Variants in SH3TC2 observed in about 807,000 individuals in gnomAD.
SH3TC2 encodes SH3 domain and tetratricopeptide repeat-containing protein 2.
A neutral mutation model predicts 124.5 loss-of-function variants in SH3TC2; 87 were observed. The observed-to-expected ratio is 0.70, with a 90% CI of 0.59 to 0.84. The LOEUF (loss-of-function observed/expected upper bound fraction) is 0.84. SH3TC2 is among the 40% of genes least tolerant of loss of function. The pLI is 0.00. For synonymous variants in SH3TC2, 634 were observed against 628.5 expected (o/e 1.01, Z -0.13); for missense variants, 1,536 against 1,566.4 (o/e 0.98, Z 0.33).
intron 3 of SH3TC2, chr5:149,046,059 T>C: frequency 3.1e-6 from 1 of 321,274 alleles, no homozygotes; most frequent in South Asian, 2.4e-5. Flanking sequence ...CAAGTGACGG[T>C]CAGAACATCC....
In SH3TC2 at chr5:148,994,608, T is replaced by A. The variant is rs754724940; in HGVS notation, c.*10103A>T. ...GGTGGTTGGGTGGTTAGATGGTTGGTTGGTTGGTTGGTTGGTTGGTTGGTT... is the reference window on the plus strand; with the variant it reads ...GGTGGTTGGGTGGTTAGATGGTTGGATGGTTGGTTGGTTGGTTGGTTGGTT... On this transcript the variant is annotated 3_prime_UTR_variant, in exon 17 of 17. Coordinates refer to ENST00000515425, the MANE Select transcript of SH3TC2 (RefSeq NM_024577.4). 1.5e-3 allele frequency among the ~76,000 whole-genome samples: 78 copies of A among 52,488 alleles called. No individual in the cohort carries two copies. The highest frequency in any genetic ancestry group is 2.2e-3 in the Non-Finnish European group (63 of 29,272). 34.4% of individuals were successfully genotyped at this position (52,488 alleles called of 152,430 possible). A position where few individuals can be genotyped will look rare whatever the true frequency, so the allele number is the denominator to read the frequency against.
Position 148,983,064 on chromosome 5 carries a change from G to C in SH3TC2, c.*21647C>G, listed in dbSNP as rs1169952882. 6.6e-6 allele frequency among the ~76,000 whole-genome samples: 1 copy of C among 152,136 alleles called. No homozygotes were observed. Among genetic ancestry groups the C allele is most frequent in the Admixed American group, 6.5e-5 (1 of 15,270 alleles). ...CAGTGTCCCATCTATGGGATAAAGAGGGAGAACTAGCAGGTGTTTTAAATA... is the reference window on the plus strand; with the variant it reads ...CAGTGTCCCATCTATGGGATAAAGACGGAGAACTAGCAGGTGTTTTAAATA... On this transcript the variant is annotated 3_prime_UTR_variant, in exon 17 of 17. Coordinates refer to ENST00000515425, the MANE Select transcript of SH3TC2 (RefSeq NM_024577.4).
chr5:149,063,029 A>G lies in SH3TC2; in HGVS notation c.-7T>C. Reference sequence around the variant, plus strand: ...TGCAGAAGCAGCCACCCATGTGTGTACCATCCTACCCTGGCCGAGGCCCTT... The same window carrying G: ...TGCAGAAGCAGCCACCCATGTGTGTGCCATCCTACCCTGGCCGAGGCCCTT... On this transcript the variant is annotated 5_prime_UTR_variant, in exon 1 of 17. Coordinates refer to ENST00000515425, the MANE Select transcript of SH3TC2 (RefSeq NM_024577.4). The G allele has an allele frequency of 6.3e-7, 1 of 1,598,414 alleles. No homozygotes were observed. Among genetic ancestry groups the G allele is most frequent in the Non-Finnish European group, 8.5e-7 (1 of 1,172,020 alleles).
At chr5:149,051,617 A>G (rs769163131) in intron 2 of SH3TC2, among the ~76,000 whole-genome samples, 7 of 151,962 alleles carry the variant, frequency 4.6e-5, no homozygotes, top group Non-Finnish European at 7.4e-5. Flanking sequence ...GTGTCTGACT[A>G]ATTTTTTGAT....
Position 149,000,156 on chromosome 5 carries a change from T to C in SH3TC2, c.*4555A>G, listed in dbSNP as rs117287440. Among the ~76,000 whole-genome samples, 239 of 152,336 alleles carry C rather than the reference T, an allele frequency of 1.6e-3. 1 individual carries two copies. The East Asian group carries it at 0.024, about 15-fold the overall frequency. On this transcript the variant is annotated 3_prime_UTR_variant, in exon 17 of 17. Transcript: ENST00000515425. ...CTAACACCAATCACAATGCTTCTGATACTGAATCATATTACATAATATATC... is the reference window on the plus strand; with the variant it reads ...CTAACACCAATCACAATGCTTCTGACACTGAATCATATTACATAATATATC...
At chr5:149,054,569 T>C (rs1754610898) in intron 1 of SH3TC2, among the ~76,000 whole-genome samples, 1 of 151,164 alleles carries the variant, frequency 6.6e-6, no homozygotes, top group South Asian at 2.1e-4. Flanking sequence ...TATTTTTTTC[T>C]GGCCCACACA....
chr5:149,046,721 C>T (rs1335766835), intron 3 of SH3TC2: 1 of 152,198 alleles, frequency 6.6e-6, no homozygotes, highest in Non-Finnish European at 1.5e-5. Context: ...CAGACCAGCT[C>T]TCTCAATCAA....
At chr5:149,006,527 C>G (rs886296461) in intron 16 of SH3TC2, among the ~76,000 whole-genome samples, 3 of 152,064 alleles carry the variant, frequency 2.0e-5, no homozygotes, top group African/African-American at 7.2e-5. Flanking sequence ...CCTTATAGTT[C>G]TTTTGTTTTG....
chr5:149,026,450 G>C, intron 12 of SH3TC2, 122 bp downstream of exon 12: 2 of 1,193,426 alleles, frequency 1.7e-6, no homozygotes, highest in African/African-American at 3.0e-5. Context: ...CAGAGCCCTT[G>C]CTCTTTTGCA....
rs146811206 is a variant in SH3TC2, at chr5:148,996,271, AAG to A, written c.*8438_*8439del. 7.4e-5 allele frequency among the ~76,000 whole-genome samples: 11 copies of A among 148,482 alleles called. No individual in the cohort carries two copies. The highest frequency in any genetic ancestry group is 6.7e-5 in the Admixed American group (1 of 14,990). On this transcript the variant is annotated 3_prime_UTR_variant, in exon 17 of 17. Coordinates refer to ENST00000515425, the MANE Select transcript of SH3TC2 (RefSeq NM_024577.4). The stretch of plus-strand genomic sequence containing the variant: ...TGAGACCCTGCCTAAATAAGAGAGA[AAG>A]AGAGAGAGAGAGAGAAACAGACAGA...
Position 149,026,592 on chromosome 5 carries a change from A to T in SH3TC2, c.3033T>A (p.Tyr1011Ter). The stretch of plus-strand genomic sequence containing the variant: ...CTCACCTGGCGGTATTTAGGTTCCG[A>T]TAAAGCTGCCCCAGGGACTCCAGCA... ...GRLLESLGQL[Y>*]RNLNTARSLR... The change falls in exon 12 of 17, where the codon TAT (tyrosine) becomes TAA (stop). Residue 1011 changes from tyrosine to a stop codon, truncating the protein, a stop_gained. Coordinates refer to ENST00000515425, the MANE Select transcript of SH3TC2 (RefSeq NM_024577.4). LOFTEE classifies it high-confidence loss of function. 1 of 1,614,154 alleles carries T rather than the reference A, an allele frequency of 6.2e-7. No homozygotes were observed. Among genetic ancestry groups the T allele is most frequent in the Non-Finnish European group, 8.5e-7 (1 of 1,180,038 alleles).
At chr5:149,018,212 G>A (rs763133618) in intron 12 of SH3TC2, among the ~76,000 whole-genome samples, 4 of 152,130 alleles carry the variant, frequency 2.6e-5, no homozygotes, top group Non-Finnish European at 5.9e-5. Flanking sequence ...CATGCTCACT[G>A]AAGGCTATTA....
chr5:149,038,585 C>T (rs1754322043), intron 7 of SH3TC2, 95 bp from the exon 8 acceptor site: 5 of 1,320,382 alleles, frequency 3.8e-6, no homozygotes, highest in Non-Finnish European at 5.4e-6. Context: ...GGTTCCCAGA[C>T]TTTAGAATGT....
chr5:149,008,484 T>C (rs1299372185), intron 15 of SH3TC2: 1 of 337,040 alleles, frequency 3.0e-6, no homozygotes, highest in African/African-American at 2.1e-5. Flanking sequence ...ATGAAGAGAA[T>C]AAAATATCAT....
At chr5:149,021,762 C>G (rs1753973545) in intron 12 of SH3TC2, among the ~76,000 whole-genome samples, 1 of 151,716 alleles carries the variant, frequency 6.6e-6, no homozygotes. Flanking sequence ...ATTGAATTAG[C>G]AATTTTCAAA....
At chr5:149,045,731 C>T (rs1754448744) in intron 3 of SH3TC2, 1 of 173,324 alleles carries the variant, frequency 5.8e-6, no homozygotes, top group Non-Finnish European at 1.2e-5. Flanking sequence ...ACTGCAACCT[C>T]CGCCTCCCAG....
At chr5:149,055,797 G>A (rs998277156) in intron 1 of SH3TC2, among the ~76,000 whole-genome samples, 4 of 152,094 alleles carry the variant, frequency 2.6e-5, no homozygotes, top group African/African-American at 7.2e-5. Flanking sequence ...TCTTAACACA[G>A]CAAACCGGGC....
At chr5:149,015,829 T>C (rs1470497153) in intron 12 of SH3TC2, among the ~76,000 whole-genome samples, 1 of 152,180 alleles carries the variant, frequency 6.6e-6, no homozygotes, top group Non-Finnish European at 1.5e-5. Flanking sequence ...ATGACAAAGA[T>C]GGCCAAAAAC....
At position 148,989,222 on chromosome 5, in the gene SH3TC2, C is replaced by T. The variant is rs115194965; in HGVS notation, c.*15489G>A. ...TTTAAAAATAGCCATAATCTATTAACGACCTATTACATTCCAGCCACCATG... is the reference window on the plus strand; with the variant it reads ...TTTAAAAATAGCCATAATCTATTAATGACCTATTACATTCCAGCCACCATG... On this transcript the variant is annotated 3_prime_UTR_variant, in exon 17 of 17. Coordinates refer to ENST00000515425, the MANE Select transcript of SH3TC2 (RefSeq NM_024577.4). 6.4e-3 allele frequency among the ~76,000 whole-genome samples: 969 copies of T among 152,234 alleles called. 5 individuals carry two copies. The highest frequency in any genetic ancestry group is 0.01 in the Middle Eastern group (3 of 294).
Sources: gnomAD v4.1 joint callset for allele counts (sites outside exome capture counted in the v4.1 genomes callset) on GRCh38, gnomAD v4.1.1 for gene constraint, MANE v1.5 for transcripts, NCBI Gene and HGNC (gene_info 2026-07-23, HGNC 2026-07-21) for gene names.